NUDT19: variants seen among roughly 807,000 people sequenced by gnomAD.
NUDT19 encodes the protein nudix hydrolase 19.
A neutral mutation model predicts 22.2 loss-of-function variants in NUDT19; 31 were observed. The ratio of observed to expected loss-of-function variants is 1.40; its 90% confidence interval spans 1.05 to 1.89. NUDT19 has a LOEUF of 1.89. Among genes scored for constraint, NUDT19 ranks in the 40% most tolerant of loss-of-function variants. The probability of loss-of-function intolerance (pLI) is 0.00; values close to 1 mark genes in which losing one functional copy is unlikely to be tolerated. For synonymous variants in NUDT19, 325 were observed against 230.8 expected, an observed-to-expected ratio of 1.41 and a Z score of -3.70; for missense variants, 752 against 514.2, an observed-to-expected ratio of 1.46 and a Z score of -4.47.
At chr19:32,693,064 GTC>G (rs765510965) in intron 1 of NUDT19, among the ~76,000 whole-genome samples, 2 of 152,244 alleles carry the variant, frequency 1.3e-5, no homozygotes, top group African/African-American at 4.8e-5. Flanking sequence ...TGGGGGTCTT[GTC>G]TCTCTGTGTT....
At chr19:32,706,481 C>T (rs530512559) in intron 1 of NUDT19, among the ~76,000 whole-genome samples, 31 of 152,230 alleles carry the variant, frequency 2.0e-4, no homozygotes, top group African/African-American at 6.0e-4. Flanking sequence ...GTCGGGAGTT[C>T]GAGACCAGCC....
chr19:32,693,703 A>AT (rs781664466), intron 1 of NUDT19, among the ~76,000 whole-genome samples: 2 of 152,140 alleles, frequency 1.3e-5, no homozygotes, highest in Non-Finnish European at 2.9e-5. Flanking sequence ...CATAGTACTG[A>AT]TTGGTGCATT....
At chr19:32,706,640 G>A (rs1044210196) in intron 1 of NUDT19, among the ~76,000 whole-genome samples, 2 of 152,104 alleles carry the variant, frequency 1.3e-5, no homozygotes, top group Non-Finnish European at 2.9e-5. Context: ...CAGAGATCAC[G>A]CCATTGCACT....
intron 1 of NUDT19, among the ~76,000 whole-genome samples, chr19:32,694,888 G>C (rs749478569): frequency 3.9e-5 from 6 of 152,198 alleles, no homozygotes; most frequent in African/African-American, 7.2e-5. Flanking sequence ...GCTTCTGTAA[G>C]AGTTTCCTTA....
intron 1 of NUDT19, among the ~76,000 whole-genome samples, chr19:32,696,317 T>C (rs1380299976): frequency 6.6e-6 from 1 of 152,198 alleles, no homozygotes; most frequent in Non-Finnish European, 1.5e-5. Context: ...TGATAGCCTC[T>C]GACACTAAGA....
chr19:32,692,271 T>C lies in NUDT19; in HGVS notation c.311T>C (p.Leu104Pro). 6.3e-7 allele frequency: 1 copy of C among 1,592,394 alleles called. No homozygotes were observed. The highest frequency in any genetic ancestry group is 8.5e-7 in the Non-Finnish European group (1 of 1,177,570). ...TTCAGCCGCACCGCTTTCCCGTCGC[T>C]GCCCGACACCGATGACCACAAGACC... is the stretch of plus-strand genomic sequence containing the variant. ...APFSRTAFPS[L>P]PDTDDHKTDN... Residue 104 changes from leucine to proline, a missense_variant, in exon 1 of 3, where the codon CTG becomes CCG. Leu to Pro is a moderately conservative substitution (Grantham distance 98, BLOSUM62 -3). Coordinates refer to ENST00000397061, the MANE Select transcript of NUDT19 (RefSeq NM_001105570.2).
rs375826824 is a variant in NUDT19, at chr19:32,692,474, C to T, written c.514C>T (p.Arg172Cys). ...CCTGGCCTCCTGGCGCGACCGCGTGCGCCAGGACCCGCGCCACTTCCTGCG... is the reference window on the plus strand; with the variant it reads ...CCTGGCCTCCTGGCGCGACCGCGTGTGCCAGGACCCGCGCCACTTCCTGCG... ...PGLASWRDRV[R>C]QDPRHFLRLC... The change falls in exon 1 of 3, where the codon CGC becomes TGC. Residue 172 changes from arginine to cysteine, a missense_variant. Physicochemically the swap from Arg to Cys is radical, Grantham distance 180. Transcript: ENST00000397061. The T allele has an allele frequency of 5.7e-4, 881 of 1,548,374 alleles. 3 individuals carry two copies. Among genetic ancestry groups the T allele is most frequent in the Non-Finnish European group, 3.6e-4 (418 of 1,150,880 alleles).
At chr19:32,709,441 C>T (rs375226356) in intron 2 of NUDT19, 49 bp downstream of exon 2, 63 of 1,480,992 alleles carry the variant, frequency 4.3e-5, no homozygotes, top group Non-Finnish European at 4.3e-5. Context: ...CATTCAGTGC[C>T]CTGGGCTGCA....
In NUDT19 at chr19:32,691,831, G is replaced by C. The variant is rs1968183030; in HGVS notation, c.-130G>C. 1 of 469,538 alleles carries C rather than the reference G, an allele frequency of 2.1e-6. No individual in the cohort carries two copies. The highest frequency in any genetic ancestry group is 2.1e-5 in the African/African-American group (1 of 47,568). The allele number at this position is 469,538 out of a possible 1,614,324, so 29.1% of individuals were successfully genotyped here. A position where few individuals can be genotyped will look rare whatever the true frequency, so the allele number is the denominator to read the frequency against. On this transcript the variant is annotated 5_prime_UTR_variant, in exon 1 of 3. Transcript: ENST00000397061. ...GCGCCGTTGCCGACCAAACGCCCAGGTTCACCCAACGCCAGAGGCTCGTCC... is the reference window on the plus strand; with the variant it reads ...GCGCCGTTGCCGACCAAACGCCCAGCTTCACCCAACGCCAGAGGCTCGTCC...
At chr19:32,702,062 G>T (rs541566750) in intron 1 of NUDT19, among the ~76,000 whole-genome samples, 1 of 152,296 alleles carries the variant, frequency 6.6e-6, no homozygotes, top group Admixed American at 6.5e-5. Flanking sequence ...TGAATAACGT[G>T]CACTGATACA....
intron 1 of NUDT19, among the ~76,000 whole-genome samples, chr19:32,708,000 A>C (rs1450865992): frequency 6.6e-6 from 1 of 151,434 alleles, no homozygotes; most frequent in African/African-American, 2.4e-5. Flanking sequence ...AAGATACAAA[A>C]ATTAGCCACG....
chr19:32,692,974 ACAGCCGTTTAATTTGGTTTT>A (rs1568431224), intron 1 of NUDT19, among the ~76,000 whole-genome samples: 4 of 152,320 alleles, frequency 2.6e-5, no homozygotes, highest in Admixed American at 2.0e-4. Context: ...GTACATCTCC[ACAGCCGTTTAATTTGGTTTT>A]CTTGGAGAAC....
At chr19:32,707,014 A>T (rs1026205323) in intron 1 of NUDT19, among the ~76,000 whole-genome samples, 2 of 152,002 alleles carry the variant, frequency 1.3e-5, no homozygotes, top group African/African-American at 4.8e-5. Flanking sequence ...CCATGGTAGG[A>T]CTCACCTCCC....
At chr19:32,698,505 T>C (rs1355919397) in intron 1 of NUDT19, among the ~76,000 whole-genome samples, 1 of 151,150 alleles carries the variant, frequency 6.6e-6, no homozygotes, top group African/African-American at 2.4e-5. Context: ...TGCTCACCAA[T>C]GCAGCAGCAG....
In NUDT19 at chr19:32,709,894, C is replaced by A. The variant is rs539061361; in HGVS notation, c.922+502C>A. Among the ~76,000 whole-genome samples, 7 of 151,614 alleles carry A rather than the reference C, an allele frequency of 4.6e-5. No homozygotes were observed. The South Asian group carries it at 1.5e-3, about 32-fold the overall frequency. ...GGTCTTGAACTCTTGACCTTGTGAT[C>A]CACCCGCCTTGGCCTCCCAAAGTGC... On this transcript the variant is annotated intron_variant, in intron 2 of 2. Transcript: ENST00000397061.
Position 32,692,322 on chromosome 19 carries a change from A to C in NUDT19, c.362A>C (p.Asp121Ala), listed in dbSNP as rs201842907. 3 of 1,592,614 alleles carry C rather than the reference A, an allele frequency of 1.9e-6. No homozygotes were observed. The highest frequency in any genetic ancestry group is 2.2e-5 in the South Asian group (2 of 90,424). The change falls in exon 1 of 3, where the codon GAC becomes GCC. Residue 121 changes from aspartate (D) to alanine (A), a missense_variant. Physicochemically the swap from Asp to Ala is moderately radical, Grantham distance 126 (BLOSUM62 -2). Transcript: ENST00000397061. ...KTDNTGTLPE[D>A]VAFRICAVRE... ...GACAACACTGGGACGCTGCCTGAGG[A>C]CGTAGCCTTCCGCATCTGCGCCGTG...
intron 1 of NUDT19, among the ~76,000 whole-genome samples, chr19:32,706,449 C>T (rs12975541): frequency 0.25 from 38,105 of 152,150 alleles, 5,122 homozygotes; most frequent in Middle Eastern, 0.32. Flanking sequence ...CCTTGGGGGC[C>T]GAGGCGGGCA....
rs746151211 is a variant in NUDT19, at chr19:32,692,405, G to A, written c.445G>A (p.Gly149Ser). ...GCTGCGGCCCAGGACTTCCCCACCAGGCCCAGCACCCGGGCCTGGCCTCGC... is the reference window on the plus strand; with the variant it reads ...GCTGCGGCCCAGGACTTCCCCACCAAGCCCAGCACCCGGGCCTGGCCTCGC... ...LLLRPRTSPPGPAPGPGLALE... is the reference protein window; with the variant it reads ...LLLRPRTSPPSPAPGPGLALE... Residue 149 changes from glycine to serine, a missense_variant, in exon 1 of 3, where the codon GGC (glycine) becomes AGC (serine). Gly to Ser is a moderately conservative substitution (Grantham distance 56, BLOSUM62 0). Transcript: ENST00000397061. The A allele has an allele frequency of 7.1e-5, 112 of 1,571,696 alleles. 1 individual carries two copies. The highest frequency in any genetic ancestry group is 6.5e-5 in the Non-Finnish European group (76 of 1,166,758).
intron 1 of NUDT19, among the ~76,000 whole-genome samples, chr19:32,699,696 A>G (rs2053127488): frequency 4.6e-5 from 7 of 152,226 alleles, no homozygotes; most frequent in Admixed American, 4.6e-4. Flanking sequence ...GCTTAGTGAT[A>G]GGTAATAGTC....
Sources: gnomAD v4.1 joint callset for allele counts (sites outside exome capture counted in the v4.1 genomes callset) on GRCh38, gnomAD v4.1.1 for gene constraint, MANE v1.5 for transcripts, NCBI Gene and HGNC (gene_info 2026-07-23, HGNC 2026-07-21) for gene names.